The following AGMO variants were observed in gnomAD, a reference collection of about 807,000 sequenced individuals.
AGMO encodes alkylglycerol monooxygenase, also known as glyceryl-ether monooxygenase.
Under a neutral mutation model 60.2 loss-of-function variants are expected in AGMO, and 75 were observed. The observed-to-expected ratio is 1.25, with a 90% CI of 1.03 to 1.51. AGMO has a LOEUF of 1.51. Among genes scored for constraint, AGMO ranks in the 40% most tolerant of loss-of-function variants. The probability of loss-of-function intolerance (pLI) is 0.00; values close to 1 mark genes in which losing one functional copy is unlikely to be tolerated. For missense variants in AGMO, 763 were observed against 525.5 expected (o/e 1.45, Z -4.42); for synonymous variants, 261 against 177.1 (o/e 1.47, Z -3.76).
At position 15,499,932 on chromosome 7, in the gene AGMO, C is replaced by CACACACACACACATAT. The variant is rs146144087; in HGVS notation, c.409+44839_409+44840insATATGTGTGTGTGTGT. On this transcript the variant is annotated intron_variant, in intron 3 of 12. Coordinates refer to ENST00000342526, the MANE Select transcript of AGMO (RefSeq NM_001004320.2). ...GCACACACACACACACACACACACA[C>CACACACACACACATAT]ATATATATATATAATATATATATTT... Among the ~76,000 whole-genome samples the CACACACACACACATAT allele has an allele frequency of 3.6e-5, 5 of 138,986 alleles. No homozygotes were observed. In the East Asian group the frequency reaches 6.5e-4, roughly 18 times the overall value. The allele number at this position is 138,986 out of a possible 152,430, so 91.2% of individuals were successfully genotyped here. A position where few individuals can be genotyped will look rare whatever the true frequency, so the allele number is the denominator to read the frequency against.
chr7:15,520,123 G>A (rs1407982158), intron 3 of AGMO, among the ~76,000 whole-genome samples: 1 of 151,930 alleles, frequency 6.6e-6, no homozygotes, highest in Non-Finnish European at 1.5e-5. Context: ...AATGGTAAAG[G>A]CATCAATGCA....
At chr7:15,203,846 T>C (rs1781371793) in intron 12 of AGMO, among the ~76,000 whole-genome samples, 1 of 152,184 alleles carries the variant, frequency 6.6e-6, no homozygotes, top group South Asian at 2.1e-4. Context: ...GGAAATCATT[T>C]CAAAGAATAT....
At chr7:15,489,231 T>G (rs1465015433) in intron 3 of AGMO, among the ~76,000 whole-genome samples, 1 of 152,116 alleles carries the variant, frequency 6.6e-6, no homozygotes, top group East Asian at 1.9e-4. Flanking sequence ...TTATAAAACT[T>G]TGTAGAATCA....
chr7:15,135,046 T>C, the AGMO span, among the ~76,000 whole-genome samples: 31 of 151,644 alleles, frequency 2.0e-4, no homozygotes, highest in African/African-American at 6.8e-4. Flanking sequence ...TATTTGTAGA[T>C]AAGTAAATTT....
the AGMO span, among the ~76,000 whole-genome samples, chr7:15,156,205 T>C: frequency 3.9e-5 from 6 of 152,064 alleles, no homozygotes; most frequent in African/African-American, 9.7e-5. Flanking sequence ...GGAAAGGCTG[T>C]TGGTGAGTAT....
At chr7:15,347,443 A>G (rs1782073630) in intron 12 of AGMO, among the ~76,000 whole-genome samples, 1 of 152,124 alleles carries the variant, frequency 6.6e-6, no homozygotes, top group African/African-American at 2.4e-5. Flanking sequence ...AATCCATGAT[A>G]GAAAGTTAGT....
chr7:15,141,167 C>T, the AGMO span, among the ~76,000 whole-genome samples: 74 of 152,290 alleles, frequency 4.9e-4, no homozygotes, highest in African/African-American at 1.7e-3. Flanking sequence ...GAGAGCCCAA[C>T]GCCTTGGGAG....
chr7:15,395,258 G>C (rs1018663899), intron 5 of AGMO, among the ~76,000 whole-genome samples: 34 of 152,216 alleles, frequency 2.2e-4, no homozygotes, highest in African/African-American at 7.2e-4. Context: ...TGATGCGAAA[G>C]GGCAAAATAG....
chr7:15,365,066 C>T (rs967436098), intron 12 of AGMO, among the ~76,000 whole-genome samples: 2 of 151,916 alleles, frequency 1.3e-5, no homozygotes, highest in Non-Finnish European at 2.9e-5. Flanking sequence ...ATCCCACTGA[C>T]TTCAGTGACT....
intron 11 of AGMO, among the ~76,000 whole-genome samples, 193 bp from the exon 12 acceptor site, chr7:15,365,812 T>A (rs916110020): frequency 1.6e-4 from 24 of 152,016 alleles, no homozygotes; most frequent in African/African-American, 5.8e-4. Context: ...AAATCTGTTC[T>A]TCATCAACAT....
intron 12 of AGMO, among the ~76,000 whole-genome samples, chr7:15,240,856 A>C (rs2128502910): frequency 2.0e-5 from 3 of 152,070 alleles, no homozygotes; most frequent in Admixed American, 2.0e-4. Flanking sequence ...TATAACATCT[A>C]GGTGATTTTT....
chr7:15,363,491 G>A (rs1051465304), intron 12 of AGMO, among the ~76,000 whole-genome samples: 1 of 152,170 alleles, frequency 6.6e-6, no homozygotes, highest in African/African-American at 2.4e-5. Context: ...GCAAGACCAA[G>A]AATAGGTAAG....
chr7:15,309,823 T>C (rs1427607257), intron 12 of AGMO, among the ~76,000 whole-genome samples: 1 of 152,170 alleles, frequency 6.6e-6, no homozygotes, highest in Non-Finnish European at 1.5e-5. Context: ...TTATGCCATT[T>C]AATAAACATT....
intron 12 of AGMO, among the ~76,000 whole-genome samples, chr7:15,217,971 T>C (rs574241030): frequency 1.3e-5 from 2 of 152,174 alleles, no homozygotes; most frequent in African/African-American, 4.8e-5. Flanking sequence ...TCCTGGGGGT[T>C]TGGTGCTATT....
At chr7:15,429,252 C>A (rs1781161456) in intron 4 of AGMO, among the ~76,000 whole-genome samples, 2 of 152,012 alleles carry the variant, frequency 1.3e-5, no homozygotes, top group Non-Finnish European at 2.9e-5. Flanking sequence ...TAAATGTGAC[C>A]TTATTTGGAA....
At chr7:15,189,818 T>C in the AGMO span, among the ~76,000 whole-genome samples, 1 of 150,648 alleles carries the variant, frequency 6.6e-6, no homozygotes, top group East Asian at 2.0e-4. Context: ...TTTACAGTTT[T>C]CAGAAATGTA....
intron 12 of AGMO, among the ~76,000 whole-genome samples, chr7:15,286,427 T>C (rs1232796411): frequency 1.3e-5 from 2 of 151,788 alleles, no homozygotes; most frequent in African/African-American, 4.8e-5. Context: ...TAAATAGACA[T>C]TTCTCAAAAG....
intron 2 of AGMO, among the ~76,000 whole-genome samples, chr7:15,551,475 G>A (rs1355799933): frequency 6.7e-6 from 1 of 148,276 alleles, no homozygotes; most frequent in Admixed American, 6.8e-5. Flanking sequence ...CAAAGTCTCA[G>A]GATACAAAAT....
At chr7:15,474,570 G>A (rs1304273696) in intron 3 of AGMO, among the ~76,000 whole-genome samples, 3 of 151,974 alleles carry the variant, frequency 2.0e-5, no homozygotes, top group African/African-American at 4.8e-5. Context: ...AGACTTAAAC[G>A]TAAAACCCAA....
Sources: gnomAD v4.1 joint callset for allele counts (sites outside exome capture counted in the v4.1 genomes callset) on GRCh38, gnomAD v4.1.1 for gene constraint, MANE v1.5 for transcripts, NCBI Gene and HGNC (gene_info 2026-07-23, HGNC 2026-07-21) for gene names.